Variants in SPIDR observed in about 807,000 individuals in gnomAD.
SPIDR encodes DNA repair-scaffolding protein.
SPIDR carries 93 observed loss-of-function variants against 104.6 expected under a neutral mutation model. That is an observed-to-expected ratio of 0.89 (90% CI 0.75 to 1.06). The LOEUF is 1.06. Ranked by LOEUF, SPIDR falls within the 50% of genes least tolerant of loss-of-function variation. SPIDR has a pLI of 0.00. For synonymous variants in SPIDR, 431 were observed against 416.9 expected (o/e 1.03, Z -0.41); for missense variants, 1,154 against 1,111.2 (o/e 1.04, Z -0.55).
At chr8:47,453,549 C>G (rs1554707692) in intron 8 of SPIDR, among the ~76,000 whole-genome samples, 1 of 152,130 alleles carries the variant, frequency 6.6e-6, no homozygotes, top group African/African-American at 2.4e-5. Flanking sequence ...ACAGAGCCCT[C>G]AGAAATAATA....
intron 16 of SPIDR, among the ~76,000 whole-genome samples, chr8:47,717,984 A>G (rs1286849714): frequency 6.6e-6 from 1 of 152,204 alleles, no homozygotes; most frequent in African/African-American, 2.4e-5. Context: ...CCTGGGGCAC[A>G]TGCTGTTGGC....
At chr8:47,500,226 C>T (rs1171671560) in intron 8 of SPIDR, among the ~76,000 whole-genome samples, 2 of 152,170 alleles carry the variant, frequency 1.3e-5, no homozygotes, top group Admixed American at 6.5e-5. Context: ...ACACTGACTT[C>T]CACAATGGTT....
intron 5 of SPIDR, among the ~76,000 whole-genome samples, chr8:47,313,596 C>A (rs1375026748): frequency 1.3e-5 from 2 of 152,204 alleles, no homozygotes; most frequent in Non-Finnish European, 2.9e-5. Flanking sequence ...AAAGAGCCCG[C>A]ATTGCCGAGT....
intron 5 of SPIDR, among the ~76,000 whole-genome samples, chr8:47,351,313 T>C (rs926519827): frequency 8.5e-5 from 13 of 152,194 alleles, no homozygotes; most frequent in African/African-American, 3.1e-4. Context: ...TTGAAACATA[T>C]CCTCTCAGAA....
At chr8:47,496,326 G>A (rs1311535495) in intron 8 of SPIDR, among the ~76,000 whole-genome samples, 1 of 152,142 alleles carries the variant, frequency 6.6e-6, no homozygotes, top group Non-Finnish European at 1.5e-5. Context: ...GATGTTAGTT[G>A]TAGGGCTTTT....
intron 8 of SPIDR, among the ~76,000 whole-genome samples, chr8:47,568,655 G>C (rs1587870982): frequency 6.6e-6 from 1 of 152,204 alleles, no homozygotes; most frequent in South Asian, 2.1e-4. Context: ...ACTGGAGCCA[G>C]GGTGAGCAAA....
intron 8 of SPIDR, among the ~76,000 whole-genome samples, chr8:47,549,686 T>C (rs2090123902): frequency 6.6e-6 from 1 of 152,212 alleles, no homozygotes; most frequent in South Asian, 2.1e-4. Flanking sequence ...GATGAGTAGA[T>C]TGCAAAAATG....
intron 10 of SPIDR, among the ~76,000 whole-genome samples, chr8:47,603,185 G>C (rs567864020): frequency 6.6e-6 from 1 of 151,694 alleles, no homozygotes; most frequent in African/African-American, 2.4e-5. Flanking sequence ...GGGAGCACTG[G>C]CCTTCGAGGT....
chr8:47,406,012 C>T (rs2062705363), intron 6 of SPIDR, among the ~76,000 whole-genome samples: 1 of 151,778 alleles, frequency 6.6e-6, no homozygotes, highest in Non-Finnish European at 1.5e-5. Flanking sequence ...TTTTACCTTT[C>T]ATCCTGTAAT....
At chr8:47,337,678 T>A (rs1437613158) in intron 5 of SPIDR, among the ~76,000 whole-genome samples, 3 of 152,012 alleles carry the variant, frequency 2.0e-5, no homozygotes, top group African/African-American at 7.2e-5. Flanking sequence ...TGAAGATTTA[T>A]ACCTGTGTTT....
At chr8:47,475,924 C>T (rs1002769359) in intron 8 of SPIDR, among the ~76,000 whole-genome samples, 1 of 152,020 alleles carries the variant, frequency 6.6e-6, no homozygotes, top group African/African-American at 2.4e-5. Context: ...TTATTGGTTT[C>T]TTTTTAATAA....
intron 8 of SPIDR, among the ~76,000 whole-genome samples, chr8:47,574,967 C>T (rs1161413350): frequency 6.6e-6 from 1 of 151,656 alleles, no homozygotes; most frequent in Non-Finnish European, 1.5e-5. Context: ...TATGATGTTT[C>T]TTGATTTTTT....
chr8:47,507,605 C>A (rs148551319), intron 8 of SPIDR, among the ~76,000 whole-genome samples: 1 of 152,184 alleles, frequency 6.6e-6, no homozygotes, highest in African/African-American at 2.4e-5. Flanking sequence ...TTCTTGTTGA[C>A]GGAACTTAAT....
chr8:47,518,426 A>G (rs1161230334), intron 8 of SPIDR, among the ~76,000 whole-genome samples: 2 of 152,138 alleles, frequency 1.3e-5, no homozygotes, highest in African/African-American at 4.8e-5. Context: ...TCCTTTTTGA[A>G]TATTTGGAAC....
At chr8:47,382,826 G>A (rs547096562) in intron 5 of SPIDR, among the ~76,000 whole-genome samples, 1 of 152,180 alleles carries the variant, frequency 6.6e-6, no homozygotes, top group East Asian at 1.9e-4. Context: ...GTATATGCCC[G>A]CATTTCTCCT....
intron 1 of SPIDR, among the ~76,000 whole-genome samples, chr8:47,278,031 C>T (rs2036909544): frequency 6.6e-6 from 1 of 151,952 alleles, no homozygotes; most frequent in Admixed American, 6.6e-5. Flanking sequence ...TTTTACTTTT[C>T]CACCAGCCAT....
At chr8:47,735,267 A>G (rs1205192480) in intron 19 of SPIDR, 40 bp from the exon 20 acceptor site, 3 of 1,599,042 alleles carry the variant, frequency 1.9e-6, no homozygotes, top group Non-Finnish European at 1.7e-6. Flanking sequence ...AGTACGTCCC[A>G]GGCTGTTTGC....
intron 5 of SPIDR, among the ~76,000 whole-genome samples, chr8:47,300,419 T>G (rs2041850618): frequency 6.6e-6 from 1 of 152,072 alleles, no homozygotes; most frequent in Non-Finnish European, 1.5e-5. Flanking sequence ...GATTCATTGA[T>G]TTTTTTGAAG....
intron 3 of SPIDR, among the ~76,000 whole-genome samples, chr8:47,286,447 G>A (rs1362402121): frequency 6.6e-6 from 1 of 152,148 alleles, no homozygotes; most frequent in African/African-American, 2.4e-5. Context: ...GGTGGCATAC[G>A]TCTGTAGTCC....
Sources: allele counts gnomAD v4.1 joint callset (sites outside exome capture counted in the v4.1 genomes callset), GRCh38; gene constraint gnomAD v4.1.1; transcripts MANE v1.5; gene names NCBI Gene and HGNC (gene_info 2026-07-23, HGNC 2026-07-21).